The following RBFOX1 variants were observed in gnomAD, a reference collection of about 807,000 sequenced individuals.
RBFOX1 encodes RNA binding protein fox-1 homolog 1.
RBFOX1 carries 8 observed loss-of-function variants against 57.7 expected under a neutral mutation model. That is an observed-to-expected ratio of 0.14 (90% CI 0.08 to 0.25). RBFOX1 has a LOEUF of 0.25. RBFOX1 is among the 10% of genes least tolerant of loss of function. The pLI is 1.00. For missense variants in RBFOX1, 611 were observed against 548.5 expected, an observed-to-expected ratio of 1.11 and a Z score of -1.14; for synonymous variants, 326 against 222.4, an observed-to-expected ratio of 1.47 and a Z score of -4.15.
chr16:6,707,919 C>G (rs767250307), intron 3 of RBFOX1, among the ~76,000 whole-genome samples: 6 of 152,122 alleles, frequency 3.9e-5, no homozygotes, highest in Non-Finnish European at 8.8e-5. Flanking sequence ...GGGGAAGATT[C>G]AGGGAATGGA....
intron 4 of RBFOX1, among the ~76,000 whole-genome samples, chr16:7,398,598 C>G (rs967844472): frequency 2.6e-5 from 4 of 152,378 alleles, no homozygotes; most frequent in Admixed American, 6.5e-5. Flanking sequence ...CACCTTCAAT[C>G]TCTCTAACAT....
intron 4 of RBFOX1, among the ~76,000 whole-genome samples, chr16:7,391,878 G>T (rs530163711): frequency 6.6e-6 from 1 of 152,016 alleles, no homozygotes; most frequent in African/African-American, 2.4e-5. Context: ...TTTTACGTAG[G>T]CTGAGATTCC....
chr16:5,354,662 T>C (rs899185805), intron 1 of RBFOX1, among the ~76,000 whole-genome samples: 1 of 152,248 alleles, frequency 6.6e-6, no homozygotes, highest in Non-Finnish European at 1.5e-5. Context: ...TCCAACCCTC[T>C]CTTTGTGTAG....
intron 2 of RBFOX1, among the ~76,000 whole-genome samples, chr16:5,539,795 A>T (rs980674385): frequency 3.3e-5 from 5 of 152,168 alleles, no homozygotes; most frequent in African/African-American, 1.2e-4. Context: ...CTATTTTTTT[A>T]AGCATTATCA....
chr16:6,203,940 C>G (rs2097234911), intron 1 of RBFOX1, among the ~76,000 whole-genome samples: 1 of 151,434 alleles, frequency 6.6e-6, no homozygotes, highest in Admixed American at 6.6e-5. Context: ...ATCATATTAA[C>G]TCTCAACCTG....
rs892507555 is a variant in RBFOX1 at position 6,097,301 on chromosome 16, G to C, written c.-127+77309G>C. Among the ~76,000 whole-genome samples the C allele has an allele frequency of 6.6e-6, 1 of 152,154 alleles. No individual in the cohort carries two copies. The highest frequency in any genetic ancestry group is 1.5e-5 in the Non-Finnish European group (1 of 68,034). On this transcript the variant is annotated intron_variant, in intron 1 of 15. Transcript: ENST00000550418. This position sits in a 1 kb window ranked among gnomAD's most constrained non-coding sequence, Gnocchi z 5.0. ...TGTCTTTATCAGCAGCATAAAAACA[G>C]ACTAACATAACCCCCCTTTCTTCCT...
At chr16:7,213,966 C>A (rs2091599838) in intron 4 of RBFOX1, among the ~76,000 whole-genome samples, 1 of 152,034 alleles carries the variant, frequency 6.6e-6, no homozygotes, top group South Asian at 2.1e-4. Flanking sequence ...ATTTGCACCG[C>A]AGAGCTCAGA....
chr16:5,890,289 C>A (rs1249003704), intron 4 of RBFOX1, among the ~76,000 whole-genome samples: 2 of 152,164 alleles, frequency 1.3e-5, no homozygotes, highest in African/African-American at 4.8e-5. Context: ...GGGCAAGGTG[C>A]CTCTTTCATG....
intron 3 of RBFOX1, among the ~76,000 whole-genome samples, chr16:6,925,888 ATTTTG>A (rs985745352): frequency 4.6e-5 from 7 of 152,166 alleles, no homozygotes; most frequent in African/African-American, 1.4e-4. Context: ...TCTCTATGTA[ATTTTG>A]TTTTATCATC....
At chr16:7,701,262 G>A (rs369307080) in intron 14 of RBFOX1, among the ~76,000 whole-genome samples, 14 of 147,162 alleles carry the variant, frequency 9.5e-5, no homozygotes, top group South Asian at 4.2e-4. Context: ...TAGTCATTTT[G>A]TAGGTCAGGG....
intron 3 of RBFOX1, among the ~76,000 whole-genome samples, chr16:6,732,152 T>C (rs1338700160): frequency 1.3e-5 from 2 of 152,312 alleles, no homozygotes; most frequent in South Asian, 2.1e-4. Flanking sequence ...CTTTCCCCTA[T>C]ACATCTGATC....
intron 5 of RBFOX1, among the ~76,000 whole-genome samples, chr16:7,533,095 G>A (rs776015017): frequency 1.9e-4 from 29 of 152,176 alleles, no homozygotes; most frequent in Non-Finnish European, 2.4e-4. Flanking sequence ...TGTCATAGTC[G>A]CCAGCACTGC....
chr16:5,785,313 C>G (rs1232465042), intron 3 of RBFOX1, among the ~76,000 whole-genome samples: 3 of 152,100 alleles, frequency 2.0e-5, no homozygotes, highest in African/African-American at 7.2e-5. Context: ...TTGGTAGAGA[C>G]AAAAGAGAGG....
chr16:6,079,189 C>T (rs2095959181), intron 1 of RBFOX1, among the ~76,000 whole-genome samples: 1 of 152,176 alleles, frequency 6.6e-6, no homozygotes, highest in African/African-American at 2.4e-5. Flanking sequence ...GCCTGTAATC[C>T]CAGCTATTCG....
At chr16:6,181,389 T>G (rs1277783597) in intron 1 of RBFOX1, among the ~76,000 whole-genome samples, 1 of 152,170 alleles carries the variant, frequency 6.6e-6, no homozygotes, top group Non-Finnish European at 1.5e-5. Context: ...TTTTGGTGAA[T>G]ACTTGTTACA....
At chr16:5,598,402 A>G (rs2047257918) in intron 2 of RBFOX1, among the ~76,000 whole-genome samples, 1 of 152,156 alleles carries the variant, frequency 6.6e-6, no homozygotes, top group African/African-American at 2.4e-5. Context: ...CAGCGGAGTC[A>G]AAGATGCAAT....
intron 1 of RBFOX1, among the ~76,000 whole-genome samples, chr16:6,048,100 A>T (rs2095514224): frequency 6.6e-6 from 1 of 152,222 alleles, no homozygotes; most frequent in Admixed American, 6.5e-5. Context: ...ATATGTGCGC[A>T]GCATTTTACG....
intron 1 of RBFOX1, among the ~76,000 whole-genome samples, chr16:5,291,097 T>G (rs4412970): frequency 0.013 from 2,030 of 152,230 alleles, 38 homozygotes; most frequent in African/African-American, 0.046. Flanking sequence ...GGCTAGGTCA[T>G]GTAGGGTCTC....
chr16:5,295,913 C>T (rs1291050098), intron 1 of RBFOX1, among the ~76,000 whole-genome samples: 1 of 152,156 alleles, frequency 6.6e-6, no homozygotes, highest in Non-Finnish European at 1.5e-5. Flanking sequence ...GACTGTAGTG[C>T]ATATTAAATG....
Sources: gnomAD v4.1 joint callset for allele counts (sites outside exome capture counted in the v4.1 genomes callset) on GRCh38, gnomAD v4.1.1 for gene constraint, Gnocchi (gnomAD v3.1) non-coding constraint, MANE v1.5 for transcripts, NCBI Gene and HGNC (gene_info 2026-07-23, HGNC 2026-07-21) for gene names.